The following ZNF385D variants were observed in gnomAD, a reference collection of about 807,000 sequenced individuals.
ZNF385D encodes zinc finger protein 659.
Under a neutral mutation model 35.8 loss-of-function variants are expected in ZNF385D, and 15 were observed. The ratio of observed to expected loss-of-function variants is 0.42; its 90% CI spans 0.28 to 0.64. The LOEUF (loss-of-function observed/expected upper bound fraction) is 0.64, where lower values mean the gene tolerates loss of function less well. Ranked by LOEUF, ZNF385D falls within the 30% of genes least tolerant of loss-of-function variation. The pLI, the probability that ZNF385D is intolerant of heterozygous loss-of-function variation, is 0.23. For synonymous variants in ZNF385D, 212 were observed against 186.8 expected (o/e 1.13, Z -1.10); for missense variants, 474 against 494.6 (o/e 0.96, Z 0.39).
chr3:21,562,613 C>T (rs2125641231), intron 3 of ZNF385D, among the ~76,000 whole-genome samples: 1 of 152,178 alleles, frequency 6.6e-6, no homozygotes, highest in South Asian at 2.1e-4. Context: ...TTTAAGTAGT[C>T]TCATTAAATA....
intron 3 of ZNF385D, among the ~76,000 whole-genome samples, chr3:21,941,537 C>G (rs4340722): frequency 1.4e-5 from 2 of 140,840 alleles, no homozygotes; most frequent in Admixed American, 7.3e-5. Flanking sequence ...TCACTCTGTC[C>G]CGCAGGCTGG....
At chr3:22,099,156 T>C (rs1701790777) in intron 3 of ZNF385D, among the ~76,000 whole-genome samples, 1 of 152,104 alleles carries the variant, frequency 6.6e-6, no homozygotes, top group Admixed American at 6.6e-5. Context: ...TGTGACTATG[T>C]CAGTTGACAT....
intron 3 of ZNF385D, among the ~76,000 whole-genome samples, chr3:21,560,784 G>T (rs776321779): frequency 2.0e-5 from 3 of 152,176 alleles, no homozygotes; most frequent in Non-Finnish European, 4.4e-5. Context: ...CAGGGAGTTG[G>T]GGGTATTATC....
intron 2 of ZNF385D, among the ~76,000 whole-genome samples, chr3:22,202,672 A>G (rs1696878853): frequency 6.6e-6 from 1 of 152,134 alleles, no homozygotes; most frequent in African/African-American, 2.4e-5. Context: ...GCAGTGTGGA[A>G]TTGCCAGTAC....
chr3:21,998,655 A>G (rs142448249), intron 3 of ZNF385D, among the ~76,000 whole-genome samples: 114 of 152,376 alleles, frequency 7.5e-4, no homozygotes, highest in Middle Eastern at 3.4e-3. Context: ...TAACAAGAAC[A>G]TATTTTGAAC....
intron 3 of ZNF385D, among the ~76,000 whole-genome samples, chr3:21,887,705 A>C (rs1698620472): frequency 6.6e-6 from 1 of 152,120 alleles, no homozygotes; most frequent in African/African-American, 2.4e-5. Flanking sequence ...AAAATTATAA[A>C]TTTAAAATCA....
At chr3:22,343,906 C>A (rs1181477362) in intron 2 of ZNF385D, among the ~76,000 whole-genome samples, 2 of 152,048 alleles carry the variant, frequency 1.3e-5, no homozygotes, top group Non-Finnish European at 2.9e-5. Flanking sequence ...GTACCCCCAG[C>A]ATATTTACAT....
chr3:21,757,721 G>A (rs912416280), intron 3 of ZNF385D, among the ~76,000 whole-genome samples: 2 of 152,124 alleles, frequency 1.3e-5, no homozygotes, highest in Admixed American at 1.3e-4. Context: ...TTAGGATTTG[G>A]AACCTCTTTC....
intron 3 of ZNF385D, among the ~76,000 whole-genome samples, chr3:22,154,571 C>A (rs766894475): frequency 6.6e-6 from 1 of 152,154 alleles, no homozygotes. Context: ...GTGGAATAGT[C>A]CTGGAGTCCT....
intron 3 of ZNF385D, among the ~76,000 whole-genome samples, chr3:21,518,003 C>A (rs1384159717): frequency 1.3e-5 from 2 of 152,104 alleles, no homozygotes; most frequent in African/African-American, 4.8e-5. Context: ...GAGAGGGAGG[C>A]TCAGTAATGG....
intron 3 of ZNF385D, among the ~76,000 whole-genome samples, chr3:21,549,720 G>T (rs1223535163): frequency 6.6e-6 from 1 of 152,162 alleles, no homozygotes; most frequent in Non-Finnish European, 1.5e-5. Context: ...AGAAGAAAAA[G>T]GACCCAGTGG....
intron 3 of ZNF385D, among the ~76,000 whole-genome samples, chr3:21,885,508 C>T (rs1698494155): frequency 6.6e-6 from 1 of 151,778 alleles, no homozygotes; most frequent in African/African-American, 2.4e-5. Context: ...AGATATAACT[C>T]CATTTGTCAA....
intron 3 of ZNF385D, among the ~76,000 whole-genome samples, chr3:22,149,712 TTC>T (rs1299152598): frequency 6.6e-6 from 1 of 152,174 alleles, no homozygotes; most frequent in Non-Finnish European, 1.5e-5. Flanking sequence ...ATCCTAGAAG[TTC>T]TGTTTGTATT....
chr3:22,059,815 G>A (rs368084109), intron 3 of ZNF385D, among the ~76,000 whole-genome samples: 61 of 152,244 alleles, frequency 4.0e-4, no homozygotes, highest in African/African-American at 1.2e-3. Context: ...TCTGGTAGTT[G>A]GTAAAACATT....
chr3:22,303,993 G>C (rs1559508710), intron 2 of ZNF385D, among the ~76,000 whole-genome samples: 1 of 152,148 alleles, frequency 6.6e-6, no homozygotes, highest in Non-Finnish European at 1.5e-5. Flanking sequence ...GGCCAGGCTG[G>C]TCTCGAACTC....
At chr3:21,510,040 C>T (rs906655083) in intron 4 of ZNF385D, among the ~76,000 whole-genome samples, 1 of 152,180 alleles carries the variant, frequency 6.6e-6, no homozygotes, top group Non-Finnish European at 1.5e-5. Context: ...CGTTTCCTTA[C>T]CATTGCCATT....
Position 21,418,066 on chromosome 3 carries a change from CTG to C in ZNF385D, c.*3146_*3147del, listed in dbSNP as rs1436532970. 6.6e-6 allele frequency: 1 copy of C among 152,150 alleles called. No homozygotes were observed. The allele number at this position is 152,150 out of a possible 1,614,324, so 9.4% of individuals were successfully genotyped here. A position where few individuals can be genotyped will look rare whatever the true frequency, so the allele number is the denominator to read the frequency against. On this transcript the variant is annotated 3_prime_UTR_variant, in exon 8 of 8. Coordinates refer to ENST00000281523, the MANE Select transcript of ZNF385D (RefSeq NM_024697.3). ...GAGAAATACAGTACCTCCCCAATGA[CTG>C]TTTCCCATTTGTCTGGACGATCTGA...
At chr3:22,085,533 T>A (rs991791699) in intron 3 of ZNF385D, among the ~76,000 whole-genome samples, 2 of 152,124 alleles carry the variant, frequency 1.3e-5, no homozygotes, top group South Asian at 2.1e-4. Flanking sequence ...CAGGAAGAAG[T>A]TGAATCCCTG....
At chr3:22,113,547 A>C (rs1702648527) in intron 3 of ZNF385D, among the ~76,000 whole-genome samples, 2 of 152,128 alleles carry the variant, frequency 1.3e-5, no homozygotes. Context: ...AAAAAGAAGA[A>C]AAGTTTCATA....
Sources: allele counts gnomAD v4.1 joint callset (sites outside exome capture counted in the v4.1 genomes callset), GRCh38; gene constraint gnomAD v4.1.1; transcripts MANE v1.5; gene names NCBI Gene and HGNC (gene_info 2026-07-23, HGNC 2026-07-21).